The following PCDHGA1 variants were observed in gnomAD, a reference collection of about 807,000 sequenced individuals.
The protein encoded by PCDHGA1 is protocadherin gamma-A1.
A neutral mutation model predicts 58.0 loss-of-function variants in PCDHGA1; 32 were observed. That is an observed-to-expected ratio of 0.55 (90% CI 0.42 to 0.74). PCDHGA1 has a LOEUF of 0.74. PCDHGA1 is among the 30% of genes least tolerant of loss of function. The pLI, the probability that PCDHGA1 is intolerant of heterozygous loss-of-function variation, is 0.00. For missense variants in PCDHGA1, 1,205 were observed against 1,182.3 expected (o/e 1.02, Z -0.28); for synonymous variants, 498 against 501.1 (o/e 0.99, Z 0.08).
At position 141,352,169 on chromosome 5, in the gene PCDHGA1, C is replaced by T. The variant is rs769039545; in HGVS notation, c.2421+19064C>T. The T allele has an allele frequency of 2.2e-5, 35 of 1,613,424 alleles. No homozygotes were observed. In the South Asian group the frequency reaches 3.5e-4, roughly 16 times the overall value. Reference sequence around the variant, plus strand: ...GGGCGACAGGGACGCGGCCCGCCAGCGCCTGCTGGTCGCTGTGCGTGATGG... The same window carrying T: ...GGGCGACAGGGACGCGGCCCGCCAGTGCCTGCTGGTCGCTGTGCGTGATGG... On this transcript the variant is annotated intron_variant, in intron 1 of 3. Coordinates refer to ENST00000517417, the MANE Select transcript of PCDHGA1 (RefSeq NM_018912.3).
chr5:141,491,898 G>A lies in PCDHGA1; in HGVS notation c.2422-2909G>A, dbSNP rs772673872. 1.6e-5 allele frequency: 23 copies of A among 1,428,816 alleles called. No homozygotes were observed. The highest frequency in any genetic ancestry group is 3.0e-5 in the South Asian group (2 of 66,966). The allele number at this position is 1,428,816 out of a possible 1,614,324, so 88.5% of individuals were successfully genotyped here. A position where few individuals can be genotyped will look rare whatever the true frequency, so the allele number is the denominator to read the frequency against. ...ATTAAGGGATGGGGCTCCGAGCACC[G>A]GGGGTGGTGGCGACTGTGGGCGAGG... On this transcript the variant is annotated intron_variant, in intron 1 of 3. Coordinates refer to ENST00000517417, the MANE Select transcript of PCDHGA1 (RefSeq NM_018912.3). This position sits in a 1 kb window ranked among gnomAD's most constrained non-coding sequence, Gnocchi z 6.9.
At chr5:141,456,860 G>A (rs1345260160) in intron 1 of PCDHGA1, among the ~76,000 whole-genome samples, 1 of 152,170 alleles carries the variant, frequency 6.6e-6, no homozygotes, top group African/African-American at 2.4e-5. Flanking sequence ...CTAATTGGGA[G>A]GCTGAGGCAG....
intron 1 of PCDHGA1, among the ~76,000 whole-genome samples, chr5:141,406,193 C>T (rs2094777569): frequency 1.3e-5 from 2 of 151,820 alleles, no homozygotes. Flanking sequence ...CCACCTCAGC[C>T]TTCACAGTAG....
At chr5:141,463,900 C>G (rs879243077) in intron 1 of PCDHGA1, among the ~76,000 whole-genome samples, 4 of 152,168 alleles carry the variant, frequency 2.6e-5, no homozygotes, top group Admixed American at 2.6e-4. Context: ...GCTTTTTGTA[C>G]TAATAATATA....
intron 1 of PCDHGA1, chr5:141,411,158 A>T (rs1384845652): frequency 6.6e-6 from 1 of 152,212 alleles, no homozygotes; most frequent in Admixed American, 6.5e-5. Context: ...TCAAGTTCTG[A>T]CTATCGAACA....
chr5:141,383,381 A>G, intron 1 of PCDHGA1: 2 of 1,614,034 alleles, frequency 1.2e-6, no homozygotes, highest in Non-Finnish European at 1.7e-6. Flanking sequence ...GGGGATCCAG[A>G]TGTGGGCACG....
intron 1 of PCDHGA1, among the ~76,000 whole-genome samples, chr5:141,381,379 A>G (rs1777152339): frequency 6.6e-6 from 1 of 152,224 alleles, no homozygotes; most frequent in Non-Finnish European, 1.5e-5. Flanking sequence ...GGATCCATCA[A>G]TAATTTAGTT....
At chr5:141,410,338 C>T (rs1050053577) in intron 1 of PCDHGA1, 35 of 1,613,900 alleles carry the variant, frequency 2.2e-5, no homozygotes, top group Non-Finnish European at 2.2e-5. Context: ...TGGCCATTGC[C>T]TTGCGCCTGC....
At chr5:141,423,094 C>CGCGTGCGT (rs2096708722) in intron 1 of PCDHGA1, 4 of 1,613,860 alleles carry the variant, frequency 2.5e-6, no homozygotes, top group African/African-American at 2.7e-5. Flanking sequence ...GGTGGGGGAG[C>CGCGTGCGT]ACACGGGCGA....
At chr5:141,398,844 C>A in intron 1 of PCDHGA1, 1 of 1,613,966 alleles carries the variant, frequency 6.2e-7, no homozygotes, top group Non-Finnish European at 8.5e-7. Context: ...ATGATAATCC[C>A]CCGGTATTCA....
Position 141,485,281 on chromosome 5 carries a change from A to G in PCDHGA1, c.2422-9526A>G. 4 of 1,614,156 alleles carry G rather than the reference A, an allele frequency of 2.5e-6. No individual in the cohort carries two copies. In the South Asian group the frequency reaches 3.3e-5, roughly 13 times the overall value. Reference sequence around the variant, plus strand: ...GTGGGCAGATCCGCTACCCGGTCCCAGAGGAGTCACAGGAAGGGACTTTTG... The same window carrying G: ...GTGGGCAGATCCGCTACCCGGTCCCGGAGGAGTCACAGGAAGGGACTTTTG... On this transcript the variant is annotated intron_variant, in intron 1 of 3. Coordinates refer to ENST00000517417, the MANE Select transcript of PCDHGA1 (RefSeq NM_018912.3). The surrounding 1 kb of genome is among the most constrained non-coding windows in gnomAD (Gnocchi z 5.7).
chr5:141,408,510 A>G (rs1298660421), intron 1 of PCDHGA1: 21 of 1,613,870 alleles, frequency 1.3e-5, no homozygotes, highest in Non-Finnish European at 1.8e-5. Context: ...AGAAGATGTG[A>G]GTTGCAATTG....
Position 141,352,659 on chromosome 5 carries a change from T to C in PCDHGA1, c.2421+19554T>C, listed in dbSNP as rs375202989. On this transcript the variant is annotated intron_variant, in intron 1 of 3. Coordinates refer to ENST00000517417, the MANE Select transcript of PCDHGA1 (RefSeq NM_018912.3). ...CACAAAATCGCTTATGACCCTTCTT[T>C]GTCTTCGCACGTGAGTTTCTGCAAA... 269 of 1,595,024 alleles carry C rather than the reference T, an allele frequency of 1.7e-4. No homozygotes were observed. Among genetic ancestry groups the C allele is most frequent in the South Asian group, 2.2e-4 (20 of 89,114 alleles).
At chr5:141,475,103 G>A (rs771784343) in intron 1 of PCDHGA1, among the ~76,000 whole-genome samples, 1 of 152,176 alleles carries the variant, frequency 6.6e-6, no homozygotes, top group Non-Finnish European at 1.5e-5. Flanking sequence ...AAGATCCTAG[G>A]TGGTAAATAG....
chr5:141,408,609 AG>A, intron 1 of PCDHGA1: 3 of 1,614,088 alleles, frequency 1.9e-6, no homozygotes, highest in Non-Finnish European at 1.7e-6. Context: ...TTTGATAAAA[AG>A]GAAATACATT....
chr5:141,348,608 T>C (rs1041872145), intron 1 of PCDHGA1, among the ~76,000 whole-genome samples: 1 of 152,150 alleles, frequency 6.6e-6, no homozygotes, highest in Non-Finnish European at 1.5e-5. Context: ...ATGGAACCCA[T>C]ACAATTCCAC....
chr5:141,432,681 G>A lies in PCDHGA1; in HGVS notation c.2422-62126G>A, dbSNP rs147073234. 2.4e-3 allele frequency: 3,845 copies of A among 1,613,930 alleles called. 12 individuals carry two copies. Among genetic ancestry groups the A allele is most frequent in the Admixed American group, 6.0e-3 (358 of 60,016 alleles). On this transcript the variant is annotated intron_variant, in intron 1 of 3. Coordinates refer to ENST00000517417, the MANE Select transcript of PCDHGA1 (RefSeq NM_018912.3). This position sits in a 1 kb window ranked among gnomAD's most constrained non-coding sequence, Gnocchi z 6.0. Reference sequence around the variant, plus strand: ...CTGGACAGAGACGCGCTCAAGCAGAGCCTCGTAGTGGCCGTCCAGGACCAC... The same window carrying A: ...CTGGACAGAGACGCGCTCAAGCAGAACCTCGTAGTGGCCGTCCAGGACCAC...
rs558074504 is a variant in PCDHGA1 at position 141,489,065 on chromosome 5, C to A, written c.2422-5742C>A. ...CCACTCAAATTCAGCTCCCCTCCCCCCTGCCCACCCCCGCCACTCGGTGAC... is the reference window on the plus strand; with the variant it reads ...CCACTCAAATTCAGCTCCCCTCCCCACTGCCCACCCCCGCCACTCGGTGAC... On this transcript the variant is annotated intron_variant, in intron 1 of 3. Transcript: ENST00000517417. The surrounding 1 kb of genome is among the most constrained non-coding windows in gnomAD (Gnocchi z 4.5). 1,377 of 389,040 alleles carry A rather than the reference C, an allele frequency of 3.5e-3. 31 individuals carry two copies. Among genetic ancestry groups the A allele is most frequent in the Admixed American group, 9.8e-3 (226 of 22,946 alleles). 24.1% of individuals were successfully genotyped at this position (389,040 alleles called of 1,614,324 possible).
rs1458644316 is a variant in PCDHGA1 at position 141,372,571 on chromosome 5, A to G, written c.2421+39466A>G. 1.9e-6 allele frequency: 3 copies of G among 1,613,904 alleles called. No individual in the cohort carries two copies. In the Admixed American group the frequency reaches 5.0e-5, roughly 27 times the overall value. ...TCCTCCAGACCCGCCACTGAGGGCT[A>G]CTTTCAGCCTGGTGTCTGCTTCAAG... On this transcript the variant is annotated intron_variant, in intron 1 of 3. Transcript: ENST00000517417.
Sources: allele counts gnomAD v4.1 joint callset (sites outside exome capture counted in the v4.1 genomes callset), GRCh38; gene constraint gnomAD v4.1.1; non-coding constraint Gnocchi (gnomAD v3.1); transcripts MANE v1.5; gene names NCBI Gene and HGNC (gene_info 2026-07-23, HGNC 2026-07-21).